Variants in HERC5 observed in about 807,000 individuals in gnomAD.
HERC5 encodes the protein E3 ISG15--protein ligase HERC5.
HERC5 carries 99 observed loss-of-function variants against 119.6 expected under a neutral mutation model. The ratio of observed to expected loss-of-function variants is 0.83; its 90% CI spans 0.70 to 0.98. The LOEUF is 0.98. Among genes scored for constraint, HERC5 ranks in the 50% least tolerant of loss-of-function variants. The pLI, the probability that HERC5 is intolerant of heterozygous loss-of-function variation, is 0.00. For missense variants in HERC5, 1,267 were observed against 1,241.3 expected, an observed-to-expected ratio of 1.02 and a Z score of -0.31; for synonymous variants, 478 against 445.9, an observed-to-expected ratio of 1.07 and a Z score of -0.91.
intron 11 of HERC5, 43 bp from the exon 12 acceptor site, chr4:88,475,798 A>G (rs751703947): frequency 1.3e-6 from 2 of 1,537,304 alleles, no homozygotes; most frequent in East Asian, 2.3e-5. Context: ...CCCTGCTTCT[A>G]CTGAGTTTTG....
chr4:88,463,222 T>C (rs1740512862), intron 4 of HERC5, among the ~76,000 whole-genome samples: 3 of 152,212 alleles, frequency 2.0e-5, no homozygotes, highest in Admixed American at 2.0e-4. Context: ...TTAAAAGTAA[T>C]TCTAGATGGC....
At position 88,479,323 on chromosome 4, in the gene HERC5, T is replaced by A. The variant is rs201937855; in HGVS notation, c.1583-30T>A. 637 of 1,536,428 alleles carry A rather than the reference T, an allele frequency of 4.1e-4. 8 individuals carry two copies. The South Asian group carries it at 6.1e-3, about 15-fold the overall frequency. ...AAAAAGCACAATAAAACTCATTTTT[T>A]AAAAAATTTGCTTTCCTTGTGTTCC... On this transcript the variant is annotated intron_variant, in intron 12 of 22. Transcript: ENST00000264350.
chr4:88,471,060 C>T (rs967194568), intron 10 of HERC5, among the ~76,000 whole-genome samples: 2 of 151,926 alleles, frequency 1.3e-5, no homozygotes, highest in Non-Finnish European at 2.9e-5. Context: ...TAACCTCTGC[C>T]TCCTAGGCTC....
intron 8 of HERC5, 55 bp downstream of exon 8, chr4:88,468,477 G>T: frequency 8.1e-7 from 1 of 1,239,898 alleles, no homozygotes; most frequent in Non-Finnish European, 1.2e-6. Context: ...AAAACTAAGG[G>T]TTCTAGTATC....
In HERC5 at chr4:88,505,920, G is replaced by A. The variant is rs765280435; in HGVS notation, c.*42G>A. 5.2e-5 allele frequency: 53 copies of A among 1,024,628 alleles called. No individual in the cohort carries two copies. Among genetic ancestry groups the A allele is most frequent in the Middle Eastern group, 3.3e-4 (1 of 2,994 alleles). The allele number at this position is 1,024,628 out of a possible 1,614,324, so 63.5% of individuals were successfully genotyped here. On this transcript the variant is annotated 3_prime_UTR_variant, in exon 23 of 23. Coordinates refer to ENST00000264350, the MANE Select transcript of HERC5 (RefSeq NM_016323.4). Reference sequence around the variant, plus strand: ...ACAGCCTTATTTTGTTGTTGTTATCGTTGTTGTTGTTGTTGTTGTTGTTGT... The same window carrying A: ...ACAGCCTTATTTTGTTGTTGTTATCATTGTTGTTGTTGTTGTTGTTGTTGT...
At chr4:88,482,531 C>T (rs1452420358) in intron 13 of HERC5, among the ~76,000 whole-genome samples, 1 of 152,144 alleles carries the variant, frequency 6.6e-6, no homozygotes, top group African/African-American at 2.4e-5. Context: ...TGACATAGTT[C>T]ACTCTCTAGA....
intron 11 of HERC5, among the ~76,000 whole-genome samples, chr4:88,474,495 G>T (rs1248028363): frequency 1.3e-5 from 2 of 152,178 alleles, no homozygotes; most frequent in Non-Finnish European, 2.9e-5. Flanking sequence ...GAGGTAGAAT[G>T]CGTGTGTACT....
In HERC5 at chr4:88,469,280, T is replaced by C; in HGVS notation, c.1238+20T>C. The C allele has an allele frequency of 6.7e-7, 1 of 1,485,576 alleles. No homozygotes were observed. The highest frequency in any genetic ancestry group is 9.4e-7 in the Non-Finnish European group (1 of 1,063,224). The allele number at this position is 1,485,576 out of a possible 1,614,324, so 92.0% of individuals were successfully genotyped here. A position where few individuals can be genotyped will look rare whatever the true frequency, so the allele number is the denominator to read the frequency against. ...AAAAAGGTACACCCCACAGTCTGACTCTCTGCTTATATATCACTCTCAAGT... is the reference window on the plus strand; with the variant it reads ...AAAAAGGTACACCCCACAGTCTGACCCTCTGCTTATATATCACTCTCAAGT... On this transcript the variant is annotated intron_variant, in intron 9 of 22. Coordinates refer to ENST00000264350, the MANE Select transcript of HERC5 (RefSeq NM_016323.4).
chr4:88,503,208 AT>A (rs1741997678), intron 20 of HERC5, among the ~76,000 whole-genome samples: 1 of 151,942 alleles, frequency 6.6e-6, no homozygotes, highest in African/African-American at 2.4e-5. Flanking sequence ...ATCAGGTTTT[AT>A]TTTTTCAATT....
chr4:88,462,350 A>C lies in HERC5; in HGVS notation c.682A>C (p.Thr228Pro). The C allele has an allele frequency of 6.2e-7, 1 of 1,613,156 alleles. No homozygotes were observed. The highest frequency in any genetic ancestry group is 8.5e-7 in the Non-Finnish European group (1 of 1,179,072). Residue 228 changes from threonine to proline, a missense_variant, in exon 4 of 23, where the codon ACT (threonine) becomes CCT (proline). Coordinates refer to ENST00000264350, the MANE Select transcript of HERC5 (RefSeq NM_016323.4). ...ATGTGGACAACTAGGCCTGGGCCAC[A>C]CTGAGAGTATGGAACACATTCTCAG... ...NECGQLGLGH[T>P]ESKDDPSLIE...
chr4:88,500,077 T>TA (rs201793802), intron 19 of HERC5, 85 bp downstream of exon 19: 16,596 of 694,578 alleles, frequency 0.024, 11 homozygotes, highest in East Asian at 0.061. Flanking sequence ...AACTTTTACT[T>TA]AAAAAAAAAA....
intron 10 of HERC5, among the ~76,000 whole-genome samples, chr4:88,471,143 A>AT (rs1445248019): frequency 1.6e-4 from 24 of 151,398 alleles, no homozygotes; most frequent in Middle Eastern, 3.4e-3. Context: ...TAATTTTTGT[A>AT]TTTTTTTGTA....
At chr4:88,502,277 T>C (rs1158362482) in intron 20 of HERC5, among the ~76,000 whole-genome samples, 3 of 152,222 alleles carry the variant, frequency 2.0e-5, no homozygotes, top group Admixed American at 6.5e-5. Flanking sequence ...GCAGAATCAA[T>C]GCTCCTACCT....
intron 18 of HERC5, 136 bp from the exon 19 acceptor site, chr4:88,499,790 C>T (rs556642011): frequency 3.2e-4 from 185 of 585,682 alleles, no homozygotes; most frequent in Middle Eastern, 4.6e-4. Flanking sequence ...ACTATCAGTA[C>T]GCAGAGAAAG....
At chr4:88,472,647 T>A in intron 11 of HERC5, 145 bp downstream of exon 11, 1 of 652,454 alleles carries the variant, frequency 1.5e-6, no homozygotes. Context: ...AGATAACATT[T>A]AGGAGTTTGC....
intron 4 of HERC5, among the ~76,000 whole-genome samples, chr4:88,462,581 G>A (rs1452738653): frequency 6.6e-6 from 1 of 152,164 alleles, no homozygotes; most frequent in Non-Finnish European, 1.5e-5. Flanking sequence ...ACGGGAAAGG[G>A]CATTGAATTA....
At chr4:88,485,834 GT>G (rs566100605) in intron 13 of HERC5, among the ~76,000 whole-genome samples, 130 of 145,480 alleles carry the variant, frequency 8.9e-4, no homozygotes, top group South Asian at 6.8e-3. Flanking sequence ...ATATTGCATT[GT>G]TTTTTTTTTT....
Position 88,463,559 on chromosome 4 carries a change from G to C in HERC5, c.716G>C (p.Gly239Ala). The C allele has an allele frequency of 6.2e-7, 1 of 1,613,664 alleles. No homozygotes were observed. The highest frequency in any genetic ancestry group is 2.2e-5 in the East Asian group (1 of 44,870). Residue 239 changes from glycine (G) to alanine (A), a missense_variant, in exon 5 of 23, where the codon GGA (glycine) becomes GCA (alanine). Gly to Ala is a moderately conservative substitution (Grantham distance 60, BLOSUM62 0). This residue lies in a region of HERC5 where 777 missense variants were observed against 758.0 expected (regional missense o/e 1.03). Coordinates refer to ENST00000264350, the MANE Select transcript of HERC5 (RefSeq NM_016323.4). ...AAAGATGATCCATCCCTTATTGAAGGACTAGACAATCAGAAAGTTGAATTT... is the reference window on the plus strand; with the variant it reads ...AAAGATGATCCATCCCTTATTGAAGCACTAGACAATCAGAAAGTTGAATTT... Reference protein sequence around the residue: ...ESKDDPSLIEGLDNQKVEFVA... With the variant: ...ESKDDPSLIEALDNQKVEFVA...
At chr4:88,469,838 A>G (rs147141570) in intron 9 of HERC5, among the ~76,000 whole-genome samples, 275 of 152,310 alleles carry the variant, frequency 1.8e-3, no homozygotes, top group African/African-American at 6.3e-3. Context: ...ACCCATCACA[A>G]CTAGCATGTA....
Sources: allele counts gnomAD v4.1 joint callset (sites outside exome capture counted in the v4.1 genomes callset), GRCh38; gene constraint gnomAD v4.1.1; regional missense constraint gnomAD v4.1.1; transcripts MANE v1.5; gene names NCBI Gene and HGNC (gene_info 2026-07-23, HGNC 2026-07-21).